Variants in HOXB3 observed in about 807,000 individuals in gnomAD.
HOXB3 encodes homeobox protein Hox-B3.
Under a neutral mutation model 29.2 loss-of-function variants are expected in HOXB3, and 17 were observed. That is an observed-to-expected ratio of 0.58 (90% CI 0.40 to 0.87). The LOEUF is 0.87. HOXB3 is among the 40% of genes least tolerant of loss of function. HOXB3 has a pLI of 0.00. For synonymous variants in HOXB3, 317 were observed against 285.9 expected (o/e 1.11, Z -1.10); for missense variants, 637 against 616.3 (o/e 1.03, Z -0.35).
In HOXB3 at chr17:48,564,527, T is replaced by C. The variant is rs374658161; in HGVS notation, c.-246-8909A>G. Reference sequence around the variant, plus strand: ...GGCAGACGCCAGTTTCCTGAGAAGCTCCCACTCCGTCCGGGCCGCGCAGGG... The same window carrying C: ...GGCAGACGCCAGTTTCCTGAGAAGCCCCCACTCCGTCCGGGCCGCGCAGGG... On this transcript the variant is annotated intron_variant, in intron 2 of 4. Transcript: ENST00000498678. 5.3e-5 allele frequency among the ~76,000 whole-genome samples: 8 copies of C among 152,128 alleles called. No individual in the cohort carries two copies. In the East Asian group the frequency reaches 7.7e-4, roughly 15 times the overall value.
At chr17:48,570,426 G>A (rs1212285082) in intron 2 of HOXB3, among the ~76,000 whole-genome samples, 1 of 152,182 alleles carries the variant, frequency 6.6e-6, no homozygotes, top group African/African-American at 2.4e-5. Context: ...TGAAGAAGTC[G>A]CAGCCTTATC....
At chr17:48,588,117 G>A (rs1226578974) in intron 1 of HOXB3, among the ~76,000 whole-genome samples, 1 of 152,216 alleles carries the variant, frequency 6.6e-6, no homozygotes, top group Non-Finnish European at 1.5e-5. Context: ...GCAGAGGAGA[G>A]AGTTCTTGGC....
At chr17:48,555,320 AGGGGAGAGAGAGAGG>A in intron 3 of HOXB3, 196 bp downstream of exon 3, 1 of 546,388 alleles carries the variant, frequency 1.8e-6, no homozygotes. Flanking sequence ...AGGAAGAGAG[AGGGGAGAGAGAGAGG>A]GAGAGAGAGA....
At chr17:48,576,672 CT>C in intron 1 of HOXB3, 1 of 1,378,772 alleles carries the variant, frequency 7.3e-7, no homozygotes, top group Non-Finnish European at 9.7e-7. Context: ...ATCCCCTGCA[CT>C]CACTGCCCAC....
chr17:48,577,144 G>C, intron 1 of HOXB3: 2 of 923,542 alleles, frequency 2.2e-6, no homozygotes, highest in Non-Finnish European at 3.0e-6. Flanking sequence ...TTCCTTCTGA[G>C]GGAGAGCGGG....
intron 2 of HOXB3, chr17:48,556,353 C>G (rs1287897215): frequency 6.6e-6 from 1 of 152,254 alleles, no homozygotes; most frequent in Non-Finnish European, 1.5e-5. Flanking sequence ...GGGTGCCCCT[C>G]TGCACTCATT....
chr17:48,589,973 T>C (rs2144927710), intron 1 of HOXB3, among the ~76,000 whole-genome samples, 152 bp downstream of exon 1: 1 of 152,210 alleles, frequency 6.6e-6, no homozygotes, highest in East Asian at 1.9e-4. Flanking sequence ...AGAGCACTCA[T>C]TTCAGGCACC....
At position 48,558,154 on chromosome 17, in the gene HOXB3, G is replaced by A. The variant is rs572038639; in HGVS notation, c.-246-2536C>T. Among the ~76,000 whole-genome samples the A allele has an allele frequency of 3.6e-3, 546 of 152,306 alleles. 6 individuals are homozygous for A. Among genetic ancestry groups the A allele is most frequent in the African/African-American group, 0.012 (501 of 41,566 alleles). On this transcript the variant is annotated intron_variant, in intron 2 of 4. Transcript: ENST00000498678. Reference sequence around the variant, plus strand: ...ACTGAGAGAAGAGGAGAACCTGATCGCTTTTGGGACTGCGCAGCTTTGCCT... The same window carrying A: ...ACTGAGAGAAGAGGAGAACCTGATCACTTTTGGGACTGCGCAGCTTTGCCT...
At chr17:48,561,071 TC>T (rs1435848802) in intron 2 of HOXB3, among the ~76,000 whole-genome samples, 2 of 151,982 alleles carry the variant, frequency 1.3e-5, no homozygotes, top group Non-Finnish European at 2.9e-5. Context: ...TCCCAGCTAC[TC>T]GGGAGGCTGA....
chr17:48,565,051 A>G (rs1265352698), intron 2 of HOXB3, among the ~76,000 whole-genome samples: 1 of 151,886 alleles, frequency 6.6e-6, no homozygotes, highest in African/African-American at 2.4e-5. Context: ...TGGAGGTGAA[A>G]GTTCTTAGGC....
intron 2 of HOXB3, among the ~76,000 whole-genome samples, chr17:48,571,417 G>A (rs1189694868): frequency 6.6e-6 from 1 of 152,224 alleles, no homozygotes; most frequent in Non-Finnish European, 1.5e-5. Context: ...GGAAGTAGGA[G>A]GGAGAATGGG....
intron 1 of HOXB3, among the ~76,000 whole-genome samples, chr17:48,587,385 C>T (rs1192342967): frequency 6.6e-6 from 1 of 152,168 alleles, no homozygotes; most frequent in Non-Finnish European, 1.5e-5. Flanking sequence ...AGTATCCCCT[C>T]CCTTAAAAGA....
At chr17:48,582,198 C>T (rs2069959090) in intron 1 of HOXB3, 1 of 152,584 alleles carries the variant, frequency 6.6e-6, no homozygotes, top group Non-Finnish European at 1.5e-5. Flanking sequence ...AACCGAAGGC[C>T]CGAGCGGAGG....
At chr17:48,551,962 T>C (rs2068766781) in intron 4 of HOXB3, 65 bp downstream of exon 4, 2 of 1,468,098 alleles carry the variant, frequency 1.4e-6, no homozygotes, top group South Asian at 1.3e-5. Flanking sequence ...GGCTGGGTGC[T>C]AGAATAACAG....
rs1171293098 is a variant in HOXB3 at position 48,549,424 on chromosome 17, A to ACAGGCCCTGCC, written c.*899_*909dup. On this transcript the variant is annotated 3_prime_UTR_variant, in exon 5 of 5. Transcript: ENST00000498678. ...CCTGTCAGGAGGCTGAGCAAGGCAC[A>ACAGGCCCTGCC]CAGGCCCTGCCCAGCCCCTGCCTGG... 10 of 134,520 alleles carry ACAGGCCCTGCC rather than the reference A, an allele frequency of 7.4e-5. No individual in the cohort carries two copies. The highest frequency in any genetic ancestry group is 2.2e-4 in the African/African-American group (8 of 36,426). The allele number at this position is 134,520 out of a possible 1,614,324, so 8.3% of individuals were successfully genotyped here.
chr17:48,572,733 T>A (rs567400883), intron 2 of HOXB3, among the ~76,000 whole-genome samples: 1 of 151,856 alleles, frequency 6.6e-6, no homozygotes, highest in Non-Finnish European at 1.5e-5. Flanking sequence ...AATAGAAAAA[T>A]AATCCAAAAT....
At chr17:48,583,285 C>T (rs1365573705) in intron 1 of HOXB3, among the ~76,000 whole-genome samples, 1 of 152,130 alleles carries the variant, frequency 6.6e-6, no homozygotes, top group African/African-American at 2.4e-5. Context: ...ACAATAGCTT[C>T]CCCCTCCCCC....
At chr17:48,555,335 GGAGA>G (rs763845981) in intron 3 of HOXB3, 192 bp downstream of exon 3, 467 of 470,338 alleles carry the variant, frequency 9.9e-4, no homozygotes, top group African/African-American at 4.0e-3. Flanking sequence ...AGAGAGAGAG[GGAGA>G]GAGAGAGAGA....
intron 2 of HOXB3, among the ~76,000 whole-genome samples, chr17:48,565,646 T>C (rs985774987): frequency 6.6e-6 from 1 of 152,226 alleles, no homozygotes; most frequent in Non-Finnish European, 1.5e-5. Flanking sequence ...ACCCATTAGG[T>C]TGAGTCTCTT....
Sources: gnomAD v4.1 joint callset for allele counts (sites outside exome capture counted in the v4.1 genomes callset) on GRCh38, gnomAD v4.1.1 for gene constraint, MANE v1.5 for transcripts, NCBI Gene and HGNC (gene_info 2026-07-23, HGNC 2026-07-21) for gene names.